Variants in PTGER3 observed in about 807,000 individuals in gnomAD.
PTGER3 encodes the protein prostaglandin E receptor 3.
PTGER3 carries 22 observed loss-of-function variants against 34.7 expected under a neutral mutation model. The observed-to-expected ratio is 0.63, with a 90% CI of 0.45 to 0.91. The LOEUF is 0.91. PTGER3 is among the 40% of genes least tolerant of loss of function. The pLI is 0.00. For synonymous variants in PTGER3, 241 were observed against 230.1 expected (o/e 1.05, Z -0.43); for missense variants, 468 against 519.4 (o/e 0.90, Z 0.96).
chr1:70,977,559 G>C (rs1186739688), intron 2 of PTGER3, among the ~76,000 whole-genome samples: 5 of 151,988 alleles, frequency 3.3e-5, no homozygotes, highest in African/African-American at 1.2e-4. Flanking sequence ...GAATTTCAAG[G>C]CCAGAAGTGT....
intron 4 of PTGER3, among the ~76,000 whole-genome samples, chr1:70,925,963 C>T (rs602383): frequency 0.35 from 53,234 of 151,892 alleles, 9,483 homozygotes; most frequent in Non-Finnish European, 0.39. Flanking sequence ...ATTTTTGAAC[C>T]ACAATGTATC....
chr1:71,015,396 G>T (rs1657806800), intron 1 of PTGER3, among the ~76,000 whole-genome samples: 2 of 152,206 alleles, frequency 1.3e-5, no homozygotes, highest in African/African-American at 4.8e-5. Flanking sequence ...TTGACTGCAA[G>T]CAATTGAACA....
At chr1:71,025,906 G>A (rs191742514) in intron 1 of PTGER3, among the ~76,000 whole-genome samples, 98 of 152,306 alleles carry the variant, frequency 6.4e-4, no homozygotes, top group Non-Finnish European at 8.2e-4. Flanking sequence ...ATCACAGACT[G>A]TTCTTAATGT....
chr1:70,884,730 T>C (rs1254667917), intron 4 of PTGER3, among the ~76,000 whole-genome samples: 1 of 152,198 alleles, frequency 6.6e-6, no homozygotes, highest in Non-Finnish European at 1.5e-5. Flanking sequence ...ATTAATACAC[T>C]CTCTAACTGG....
chr1:70,865,930 T>A, intron 4 of PTGER3: 1 of 649,760 alleles, frequency 1.5e-6, no homozygotes, highest in Non-Finnish European at 2.3e-6. Flanking sequence ...TTTCCTGGAC[T>A]GTCATCCGGG....
At chr1:70,920,444 G>A (rs559524935) in intron 4 of PTGER3, among the ~76,000 whole-genome samples, 27 of 152,248 alleles carry the variant, frequency 1.8e-4, no homozygotes, top group African/African-American at 6.5e-4. Context: ...ATATAATTTT[G>A]ACAAGGTTTC....
At chr1:71,009,915 A>T (rs1657293638) in intron 2 of PTGER3, 7 of 985,216 alleles carry the variant, frequency 7.1e-6, no homozygotes, top group Non-Finnish European at 8.4e-6. Flanking sequence ...AACCATCATG[A>T]AAAGGCTGAA....
At chr1:70,860,805 G>C (rs1645911714) in intron 4 of PTGER3, among the ~76,000 whole-genome samples, 1 of 152,120 alleles carries the variant, frequency 6.6e-6, no homozygotes, top group Admixed American at 6.6e-5. Context: ...TGGTGACACA[G>C]AAGAGGCAAA....
intron 2 of PTGER3, chr1:71,006,996 T>A: frequency 5.1e-6 from 5 of 985,748 alleles, no homozygotes; most frequent in Non-Finnish European, 6.0e-6. Context: ...ATTTTTTGTC[T>A]CCACAGTATT....
chr1:70,877,291 G>A (rs1437306515), intron 4 of PTGER3, among the ~76,000 whole-genome samples: 2 of 152,226 alleles, frequency 1.3e-5, no homozygotes, highest in Non-Finnish European at 2.9e-5. Context: ...ACTGATTTCT[G>A]TACATTGACT....
intron 2 of PTGER3, among the ~76,000 whole-genome samples, chr1:71,004,654 C>G (rs1361814310): frequency 6.6e-6 from 1 of 152,166 alleles, no homozygotes; most frequent in African/African-American, 2.4e-5. Context: ...GAGACAAAGA[C>G]TCACTTTAGG....
At chr1:70,960,546 C>A (rs1651822969) in intron 2 of PTGER3, among the ~76,000 whole-genome samples, 2 of 152,030 alleles carry the variant, frequency 1.3e-5, no homozygotes, top group African/African-American at 4.8e-5. Flanking sequence ...TGGATACGTT[C>A]CAGTATTAAA....
intron 4 of PTGER3, among the ~76,000 whole-genome samples, chr1:70,860,557 T>C (rs1245149494): frequency 6.6e-6 from 1 of 152,198 alleles, no homozygotes; most frequent in Non-Finnish European, 1.5e-5. Context: ...TTAGAAGGGT[T>C]TTGTTTTTTA....
intron 4 of PTGER3, among the ~76,000 whole-genome samples, chr1:70,867,100 C>T (rs1329306169): frequency 6.6e-6 from 1 of 152,232 alleles, no homozygotes; most frequent in Admixed American, 6.5e-5. Context: ...TCTGCTGTTT[C>T]CTGAATAGAC....
chr1:70,885,875 C>T (rs920672017), intron 4 of PTGER3, among the ~76,000 whole-genome samples: 1 of 152,148 alleles, frequency 6.6e-6, no homozygotes, highest in African/African-American at 2.4e-5. Flanking sequence ...GGCAAAGGAG[C>T]TTTCAAAGGG....
chr1:70,865,630 G>C, intron 4 of PTGER3: 1 of 1,336,004 alleles, frequency 7.5e-7, no homozygotes, highest in Non-Finnish European at 1.0e-6. Flanking sequence ...TTTCATTAGA[G>C]ATAGGCTGAC....
chr1:71,042,716 C>A (rs1660423820), intron 1 of PTGER3, among the ~76,000 whole-genome samples: 1 of 152,060 alleles, frequency 6.6e-6, no homozygotes, highest in South Asian at 2.1e-4. Flanking sequence ...TACATATCTA[C>A]CACATGTGGC....
intron 2 of PTGER3, among the ~76,000 whole-genome samples, chr1:70,977,915 C>T (rs1653867607): frequency 6.6e-6 from 1 of 152,236 alleles, no homozygotes; most frequent in African/African-American, 2.4e-5. Context: ...TTAGCTCCCT[C>T]CTAAACAACT....
chr1:70,963,124 C>T (rs1363688415), intron 2 of PTGER3, among the ~76,000 whole-genome samples: 2 of 152,186 alleles, frequency 1.3e-5, no homozygotes, highest in Admixed American at 1.3e-4. Flanking sequence ...CCTTTGACTC[C>T]ATGTCTCACA....
Sources: gnomAD v4.1 joint callset for allele counts (sites outside exome capture counted in the v4.1 genomes callset) on GRCh38, gnomAD v4.1.1 for gene constraint, MANE v1.5 for transcripts, NCBI Gene and HGNC (gene_info 2026-07-23, HGNC 2026-07-21) for gene names.